The following COP1 variants were observed in gnomAD, a reference collection of about 807,000 sequenced individuals.
COP1 encodes E3 ubiquitin-protein ligase COP1.
In COP1, 24 loss-of-function variants were observed where a neutral mutation model predicts 101.3. The observed-to-expected ratio is 0.24, with a 90% CI of 0.17 to 0.33. COP1 has a LOEUF of 0.33. COP1 is among the 10% of genes least tolerant of loss of function. The pLI is 1.00. For synonymous variants in COP1, 347 were observed against 341.9 expected, an observed-to-expected ratio of 1.01 and a Z score of -0.17; for missense variants, 663 against 906.2, an observed-to-expected ratio of 0.73 and a Z score of 3.45.
chr1:175,991,088 T>C (rs1439977713), intron 15 of COP1, among the ~76,000 whole-genome samples: 1 of 152,058 alleles, frequency 6.6e-6, no homozygotes. Context: ...GCATTTCAGA[T>C]TTTGGATTTG....
chr1:176,076,896 C>T (rs1678132990), intron 11 of COP1, among the ~76,000 whole-genome samples: 1 of 152,154 alleles, frequency 6.6e-6, no homozygotes, highest in Admixed American at 6.6e-5. Context: ...TGGAAACACA[C>T]AACCTCCCAA....
At chr1:176,162,741 G>T in intron 5 of COP1, 128 bp downstream of exon 5, 1 of 646,710 alleles carries the variant, frequency 1.5e-6, no homozygotes, top group Non-Finnish European at 2.4e-6. Context: ...ACACTTTGTA[G>T]CTGTTTCTAG....
At chr1:175,957,069 CAA>C (rs1263893273) in intron 18 of COP1, among the ~76,000 whole-genome samples, 1 of 151,368 alleles carries the variant, frequency 6.6e-6, no homozygotes, top group African/African-American at 2.4e-5. Flanking sequence ...ACAAAAGAGT[CAA>C]AAAGTGAAAA....
At chr1:176,137,133 C>T (rs1485103936) in intron 6 of COP1, among the ~76,000 whole-genome samples, 1 of 152,214 alleles carries the variant, frequency 6.6e-6, no homozygotes, top group South Asian at 2.1e-4. Context: ...TATCTTAACA[C>T]TTCCTTCTTA....
chr1:175,972,784 T>C (rs1039162760), intron 18 of COP1, among the ~76,000 whole-genome samples: 1 of 152,046 alleles, frequency 6.6e-6, no homozygotes, highest in Non-Finnish European at 1.5e-5. Flanking sequence ...CAAGAATTTC[T>C]AGCCTCAGGA....
At chr1:176,198,667 A>G (rs1388630950) in intron 1 of COP1, among the ~76,000 whole-genome samples, 1 of 152,128 alleles carries the variant, frequency 6.6e-6, no homozygotes, top group Non-Finnish European at 1.5e-5. Context: ...ATTATTAAGA[A>G]AATGAAAAGA....
chr1:175,977,686 A>C (rs1208611392), intron 18 of COP1, among the ~76,000 whole-genome samples: 2 of 151,236 alleles, frequency 1.3e-5, no homozygotes, highest in Admixed American at 6.6e-5. Flanking sequence ...TCTTTTCCCC[A>C]GACAATCTGT....
chr1:176,108,669 T>G (rs185772121), intron 9 of COP1, among the ~76,000 whole-genome samples: 14 of 152,174 alleles, frequency 9.2e-5, no homozygotes, highest in Non-Finnish European at 1.0e-4. Context: ...ATCAGATGAT[T>G]TCTTTGGTAT....
intron 5 of COP1, among the ~76,000 whole-genome samples, chr1:176,158,630 CTTTT>C (rs35518162): frequency 3.8e-5 from 3 of 79,314 alleles, no homozygotes; most frequent in African/African-American, 5.0e-5. Context: ...TTTTAAGGTT[CTTTT>C]TTTTTTTTTT....
chr1:175,981,705 A>G (rs954788473), intron 18 of COP1, among the ~76,000 whole-genome samples: 1 of 152,188 alleles, frequency 6.6e-6, no homozygotes, highest in African/African-American at 2.4e-5. Flanking sequence ...CAACAGAGTG[A>G]AAAGACAACA....
chr1:176,015,917 A>C (rs1665547050), intron 15 of COP1, among the ~76,000 whole-genome samples: 1 of 152,190 alleles, frequency 6.6e-6, no homozygotes, highest in African/African-American at 2.4e-5. Flanking sequence ...ATTCTTCTGT[A>C]ATATGATTTT....
At chr1:176,087,873 A>T (rs182020588) in intron 9 of COP1, among the ~76,000 whole-genome samples, 30 of 152,356 alleles carry the variant, frequency 2.0e-4, no homozygotes, top group Admixed American at 1.9e-3. Context: ...CATCAATGAT[A>T]GACTGGATTA....
chr1:175,952,060 G>A (rs1649999248), intron 18 of COP1, among the ~76,000 whole-genome samples: 1 of 152,158 alleles, frequency 6.6e-6, no homozygotes, highest in Admixed American at 6.5e-5. Flanking sequence ...ATTACATAAA[G>A]AGAAAGATCG....
intron 9 of COP1, among the ~76,000 whole-genome samples, chr1:176,091,624 A>T (rs1445901624): frequency 6.6e-6 from 1 of 152,206 alleles, no homozygotes; most frequent in Admixed American, 6.5e-5. Flanking sequence ...TAAGATAATT[A>T]AGATACTCTG....
chr1:176,008,701 C>T (rs1382708909), intron 15 of COP1, among the ~76,000 whole-genome samples: 1 of 152,078 alleles, frequency 6.6e-6, no homozygotes, highest in Non-Finnish European at 1.5e-5. Context: ...TCGGTTCTTC[C>T]TCCTGGTTTT....
At chr1:175,990,647 T>A (rs897126672) in intron 15 of COP1, among the ~76,000 whole-genome samples, 3 of 152,186 alleles carry the variant, frequency 2.0e-5, no homozygotes, top group African/African-American at 7.2e-5. Context: ...TTTTCATATA[T>A]CTACAAAAAG....
chr1:176,069,315 A>G (rs917804452), intron 11 of COP1, among the ~76,000 whole-genome samples: 1 of 152,214 alleles, frequency 6.6e-6, no homozygotes, highest in African/African-American at 2.4e-5. Context: ...GCACAGAAAG[A>G]ATAATCTTAG....
At chr1:176,112,499 G>C (rs953545713) in intron 9 of COP1, among the ~76,000 whole-genome samples, 9 of 152,160 alleles carry the variant, frequency 5.9e-5, no homozygotes, top group African/African-American at 1.7e-4. Context: ...CGTATACAAT[G>C]TGTAATAATC....
In COP1 at chr1:175,951,463, A is replaced by ATATATATATATAT. The variant is rs1558154896; in HGVS notation, c.2134-4225_2134-4224insATATATATATATA. Among the ~76,000 whole-genome samples, 228 of 39,826 alleles carry ATATATATATATAT rather than the reference A, an allele frequency of 5.7e-3. 6 individuals are homozygous for ATATATATATATAT. The highest frequency in any genetic ancestry group is 0.02 in the East Asian group (22 of 1,104). 26.1% of individuals were successfully genotyped at this position (39,826 alleles called of 152,430 possible). A position where few individuals can be genotyped will look rare whatever the true frequency, so the allele number is the denominator to read the frequency against. Reference sequence around the variant, plus strand: ...ATATATATATATATATATATATATAAAAACTTCCATTTTTGGCCATAACAG... The same window carrying ATATATATATATAT: ...ATATATATATATATATATATATATAATATATATATATATAAACTTCCATTTTTGGCCATAACAG... On this transcript the variant is annotated intron_variant, in intron 18 of 19. Transcript: ENST00000367669.
Sources: allele counts gnomAD v4.1 joint callset (sites outside exome capture counted in the v4.1 genomes callset), GRCh38; gene constraint gnomAD v4.1.1; transcripts MANE v1.5; gene names NCBI Gene and HGNC (gene_info 2026-07-23, HGNC 2026-07-21).